The following GSE1 variants were observed in gnomAD, a reference collection of about 807,000 sequenced individuals.
GSE1 encodes Gse1 coiled-coil protein.
A neutral mutation model predicts 112.6 loss-of-function variants in GSE1; 32 were observed. That is an observed-to-expected ratio of 0.28 (90% CI 0.21 to 0.38). The LOEUF is 0.38. Ranked by LOEUF, GSE1 falls within the 10% of genes least tolerant of loss-of-function variation. The pLI is 1.00. For synonymous variants in GSE1, 1,115 were observed against 735.6 expected (o/e 1.52, Z -8.35); for missense variants, 2,348 against 1,699.2 (o/e 1.38, Z -6.71).
At chr16:85,319,576 G>A (rs2046056494) in intron 1 of GSE1, among the ~76,000 whole-genome samples, 1 of 152,206 alleles carries the variant, frequency 6.6e-6, no homozygotes, top group South Asian at 2.1e-4. Flanking sequence ...AAGGTTCTGG[G>A]CAGACATTAT....
At chr16:85,494,166 C>T (rs569832164) in intron 2 of GSE1, among the ~76,000 whole-genome samples, 4 of 152,358 alleles carry the variant, frequency 2.6e-5, no homozygotes, top group African/African-American at 7.2e-5. Context: ...ATATTCTCTC[C>T]CAGTTCTGGA....
At chr16:85,329,689 A>T (rs1375352285) in intron 1 of GSE1, among the ~76,000 whole-genome samples, 1 of 152,064 alleles carries the variant, frequency 6.6e-6, no homozygotes, top group Non-Finnish European at 1.5e-5. Context: ...CCAGCCGAGG[A>T]TTCCTTGGGC....
intron 1 of GSE1, among the ~76,000 whole-genome samples, chr16:85,624,038 C>T (rs1006377092): frequency 6.6e-6 from 1 of 152,200 alleles, no homozygotes; most frequent in Non-Finnish European, 1.5e-5. Flanking sequence ...AAACACTCAG[C>T]CTCCTCCACA....
chr16:85,489,266 C>G (rs2050935608), intron 2 of GSE1, among the ~76,000 whole-genome samples: 1 of 151,874 alleles, frequency 6.6e-6, no homozygotes, highest in Non-Finnish European at 1.5e-5. Context: ...AGCCCCTCCC[C>G]ATCCTGGATG....
chr16:85,442,216 C>T (rs975439142), intron 2 of GSE1, among the ~76,000 whole-genome samples: 2 of 152,190 alleles, frequency 1.3e-5, no homozygotes, highest in Non-Finnish European at 2.9e-5. Flanking sequence ...TGCTGCCCCC[C>T]TCCTCCTTAA....
At chr16:85,241,649 C>T (rs562929531) in intron 1 of GSE1, among the ~76,000 whole-genome samples, 51 of 152,168 alleles carry the variant, frequency 3.4e-4, no homozygotes, top group African/African-American at 1.2e-3. Context: ...AGTAAGCCAC[C>T]GAACAGGGAT....
At position 85,657,436 on chromosome 16, in the gene GSE1, C is replaced by G. The variant is rs145557356; in HGVS notation, c.1472C>G (p.Thr491Ser). Residue 491 changes from threonine (T) to serine (S), a missense_variant, in exon 8 of 16, where the codon ACC becomes AGC. Transcript: ENST00000253458. Reference sequence around the variant, plus strand: ...GCCACAGCCCTGCTGATCCAGCGCACCAATGAGGAGGAGAAGTGGCTGGCG... The same window carrying G: ...GCCACAGCCCTGCTGATCCAGCGCAGCAATGAGGAGGAGAAGTGGCTGGCG... ...SAATALLIQR[T>S]NEEEKWLARQ... 2.4e-5 allele frequency: 39 copies of G among 1,612,626 alleles called. No homozygotes were observed. In the African/African-American group the frequency reaches 4.1e-4, roughly 17 times the overall value.
Position 85,367,844 on chromosome 16 carries a change from C to CTTTTT in GSE1, c.2464+10217_2464+10221dup, listed in dbSNP as rs5818532. Among the ~76,000 whole-genome samples the CTTTTT allele has an allele frequency of 1.3e-4, 15 of 114,998 alleles. 1 individual carries two copies. Among genetic ancestry groups the CTTTTT allele is most frequent in the Non-Finnish European group, 1.7e-4 (10 of 58,950 alleles). 75.4% of individuals were successfully genotyped at this position (114,998 alleles called of 152,430 possible). A position where few individuals can be genotyped will look rare whatever the true frequency, so the allele number is the denominator to read the frequency against. On this transcript the variant is annotated intron_variant, in intron 2 of 2. Transcript: ENST00000637419. ...GCAAATGTAAAGAGGAAATAAGATT[C>CTTTTT]TTTTTTTTTTTTTTTTTTTTCCGAG...
intron 2 of GSE1, among the ~76,000 whole-genome samples, chr16:85,513,800 C>T (rs2051826395): frequency 6.6e-6 from 1 of 151,976 alleles, no homozygotes; most frequent in Non-Finnish European, 1.5e-5. Flanking sequence ...GTGCACACTG[C>T]AGACCGGGGA....
chr16:85,349,014 G>T (rs1037396853), intron 1 of GSE1, among the ~76,000 whole-genome samples: 2 of 152,100 alleles, frequency 1.3e-5, no homozygotes, highest in African/African-American at 4.8e-5. Context: ...CCTAATTGCA[G>T]TCACAGATGT....
intron 2 of GSE1, among the ~76,000 whole-genome samples, chr16:85,458,806 G>A (rs2049901518): frequency 1.3e-5 from 2 of 152,316 alleles, no homozygotes; most frequent in Middle Eastern, 3.4e-3. Flanking sequence ...CTGTGCTGCA[G>A]GAGGGATAGA....
At chr16:85,326,169 C>G (rs1410531821) in intron 1 of GSE1, among the ~76,000 whole-genome samples, 1 of 152,150 alleles carries the variant, frequency 6.6e-6, no homozygotes, top group African/African-American at 2.4e-5. Flanking sequence ...TCGGTGCCCC[C>G]CTGGCTCGTT....
In GSE1 at chr16:85,673,643, C is replaced by G. The variant is rs184748329; in HGVS notation, c.*1104C>G. ...TAGTTTGAGTTGCACCAGAAGCTGC[C>G]GTAGAAAGCCATGCGCTACTGCTTA... On this transcript the variant is annotated 3_prime_UTR_variant, in exon 16 of 16. Coordinates refer to ENST00000253458, the MANE Select transcript of GSE1 (RefSeq NM_014615.5). The G allele has an allele frequency of 1.3e-5, 2 of 152,296 alleles. No individual in the cohort carries two copies. Among genetic ancestry groups the G allele is most frequent in the African/African-American group, 4.8e-5 (2 of 41,550 alleles). The allele number at this position is 152,296 out of a possible 1,614,324, so 9.4% of individuals were successfully genotyped here. A position where few individuals can be genotyped will look rare whatever the true frequency, so the allele number is the denominator to read the frequency against.
At chr16:85,443,844 C>A (rs1272847091) in intron 2 of GSE1, among the ~76,000 whole-genome samples, 3 of 152,144 alleles carry the variant, frequency 2.0e-5, no homozygotes, top group Non-Finnish European at 4.4e-5. Context: ...GCTCCCAGCC[C>A]AGCTACAGGA....
chr16:85,268,948 C>G (rs1597241299), intron 1 of GSE1, among the ~76,000 whole-genome samples: 2 of 149,858 alleles, frequency 1.3e-5, no homozygotes, highest in Admixed American at 6.6e-5. Context: ...CTAACAGGTT[C>G]TGATTTTAAT....
intron 1 of GSE1, among the ~76,000 whole-genome samples, chr16:85,239,552 C>T (rs1179297195): frequency 3.9e-5 from 6 of 152,214 alleles, no homozygotes; most frequent in South Asian, 4.1e-4. Context: ...GCCTCAGGAT[C>T]CTGGTGCTAC....
At chr16:85,426,951 ATCCTGACTGTG>A (rs982565388) in intron 2 of GSE1, among the ~76,000 whole-genome samples, 1 of 152,154 alleles carries the variant, frequency 6.6e-6, no homozygotes, top group Non-Finnish European at 1.5e-5. Flanking sequence ...CTTGGTTTGA[ATCCTGACTGTG>A]CCCCTTACTG....
chr16:85,202,898 C>T (rs1248786254), intron 1 of GSE1, among the ~76,000 whole-genome samples: 1 of 152,136 alleles, frequency 6.6e-6, no homozygotes, highest in East Asian at 1.9e-4. Flanking sequence ...CCTGGCTGTG[C>T]CCCAGCTCTG....
chr16:85,291,627 T>C (rs2045215605), intron 1 of GSE1, among the ~76,000 whole-genome samples: 1 of 152,116 alleles, frequency 6.6e-6, no homozygotes, highest in African/African-American at 2.4e-5. Flanking sequence ...GTCCCCGCCC[T>C]TTTCCGCCCG....
Sources: allele counts gnomAD v4.1 joint callset (sites outside exome capture counted in the v4.1 genomes callset), GRCh38; gene constraint gnomAD v4.1.1; transcripts MANE v1.5; gene names NCBI Gene and HGNC (gene_info 2026-07-23, HGNC 2026-07-21).